The following ANO5 variants were observed in gnomAD, a reference collection of about 807,000 sequenced individuals.
The protein encoded by ANO5 is anoctamin 5, also known as anoctamin-5.
A neutral mutation model predicts 121.0 loss-of-function variants in ANO5; 109 were observed. That is an observed-to-expected ratio of 0.90 (90% confidence interval 0.77 to 1.06). The LOEUF (loss-of-function observed/expected upper bound fraction) is 1.06, where lower values mean the gene tolerates loss of function less well. ANO5 is among the 50% of genes least tolerant of loss of function. The probability of loss-of-function intolerance (pLI) is 0.00; values close to 1 mark genes in which losing one functional copy is unlikely to be tolerated. For missense variants in ANO5, 1,064 were observed against 1,078.5 expected, an observed-to-expected ratio of 0.99 and a Z score of 0.19; for synonymous variants, 406 against 359.9, an observed-to-expected ratio of 1.13 and a Z score of -1.45.
chr11:22,208,245 CT>C, intron 2 of ANO5, among the ~76,000 whole-genome samples: 1 of 152,136 alleles, frequency 6.6e-6, no homozygotes, highest in South Asian at 2.1e-4. Flanking sequence ...TTCACAGCAG[CT>C]TTATTTGTAG....
chr11:22,260,218 T>C (rs2133741018), intron 15 of ANO5, among the ~76,000 whole-genome samples: 1 of 152,306 alleles, frequency 6.6e-6, no homozygotes, highest in East Asian at 1.9e-4. Context: ...ATTTTCTTGT[T>C]AAAATATTAA....
rs546549978 is a variant in ANO5 at position 22,235,071 on chromosome 11, G to A, written c.649-1092G>A. ...CATTTCAGATGTTTGCAGATCTCCT[G>A]AAACTTTCTTTCTATTGCAGTAGTC... On this transcript the variant is annotated intron_variant, in intron 7 of 21. Coordinates refer to ENST00000324559, the MANE Select transcript of ANO5 (RefSeq NM_213599.3). Among the ~76,000 whole-genome samples the A allele has an allele frequency of 2.0e-5, 3 of 152,076 alleles. No individual in the cohort carries two copies. The South Asian group carries it at 6.2e-4, about 32-fold the overall frequency.
intron 20 of ANO5, 78 bp from the exon 21 acceptor site, chr11:22,276,016 A>T (rs1482487402): frequency 1.0e-6 from 1 of 985,084 alleles, no homozygotes; most frequent in Non-Finnish European, 1.6e-6. Flanking sequence ...AAGAGAAATA[A>T]GAAATTATGT....
rs1854663233 is a variant in ANO5, at chr11:22,272,633, G to A, written c.2030-151G>A. ...CAGGTAAGTCACTGTGCCTCCTGTG[G>A]TAGAGGAGGAACTGGACAGACGGAT... On this transcript the variant is annotated intron_variant, in intron 18 of 21. Coordinates refer to ENST00000324559, the MANE Select transcript of ANO5 (RefSeq NM_213599.3). 1.9e-5 allele frequency: 14 copies of A among 724,246 alleles called. No homozygotes were observed. The Admixed American group carries it at 2.7e-4, about 14-fold the overall frequency. 44.9% of individuals were successfully genotyped at this position (724,246 alleles called of 1,614,324 possible).
chr11:22,222,229 C>T (rs947472070), intron 5 of ANO5, among the ~76,000 whole-genome samples: 1 of 151,950 alleles, frequency 6.6e-6, no homozygotes, highest in Non-Finnish European at 1.5e-5. Flanking sequence ...TATTATCCTG[C>T]ATTGTTTTTG....
chr11:22,253,822 G>A (rs1286136453), intron 12 of ANO5, among the ~76,000 whole-genome samples: 1 of 152,112 alleles, frequency 6.6e-6, no homozygotes, highest in African/African-American at 2.4e-5. Flanking sequence ...CTTTTTGACT[G>A]GAGGAGTTAT....
At chr11:22,205,226 C>G (rs1175892056) in intron 2 of ANO5, among the ~76,000 whole-genome samples, 5 of 151,946 alleles carry the variant, frequency 3.3e-5, no homozygotes, top group Non-Finnish European at 7.4e-5. Flanking sequence ...GGGAGAGGAT[C>G]AGGAAAAACA....
intron 5 of ANO5, among the ~76,000 whole-genome samples, chr11:22,225,307 A>T (rs1186504564): frequency 6.6e-6 from 1 of 151,928 alleles, no homozygotes; most frequent in African/African-American, 2.4e-5. Context: ...AAAATTTTTT[A>T]AAAATTATCC....
At chr11:22,193,920 G>A (rs1356915707) in intron 1 of ANO5, among the ~76,000 whole-genome samples, 1 of 152,176 alleles carries the variant, frequency 6.6e-6, no homozygotes, top group East Asian at 1.9e-4. Context: ...CCCAAAAAAA[G>A]CAGCAGTATA....
At position 22,231,754 on chromosome 11, in the gene ANO5, T is replaced by G. The variant is rs140355934; in HGVS notation, c.648+4168T>G. Among the ~76,000 whole-genome samples the G allele has an allele frequency of 2.4e-3, 362 of 152,068 alleles. 4 individuals are homozygous for G. The highest frequency in any genetic ancestry group is 7.6e-3 in the African/African-American group (315 of 41,510). ...GATCTAAGGACATGCACATTTAAAT[T>G]TTTACATGTATTACACTATCACACT... On this transcript the variant is annotated intron_variant, in intron 7 of 21. Coordinates refer to ENST00000324559, the MANE Select transcript of ANO5 (RefSeq NM_213599.3).
intron 7 of ANO5, among the ~76,000 whole-genome samples, chr11:22,234,878 G>A (rs547429816): frequency 6.6e-5 from 10 of 152,192 alleles, no homozygotes; most frequent in African/African-American, 1.9e-4. Context: ...GACCTGACTT[G>A]ACCAAACTTT....
chr11:22,276,965 A>T (rs1564954781), intron 21 of ANO5, among the ~76,000 whole-genome samples: 1 of 151,606 alleles, frequency 6.6e-6, no homozygotes, highest in South Asian at 2.1e-4. Context: ...TTTAAAAATC[A>T]AATAGTTCTG....
chr11:22,204,762 T>C (rs1852060477), intron 2 of ANO5, among the ~76,000 whole-genome samples: 1 of 152,098 alleles, frequency 6.6e-6, no homozygotes, highest in African/African-American at 2.4e-5. Context: ...TGTACATTAG[T>C]TCAGGCATTG....
intron 1 of ANO5, among the ~76,000 whole-genome samples, chr11:22,196,437 A>G (rs1402796508): frequency 6.6e-6 from 1 of 151,812 alleles, no homozygotes; most frequent in South Asian, 2.1e-4. Context: ...AAATTTCACC[A>G]TGAGTTTTGG....
chr11:22,262,208 A>G lies in ANO5; in HGVS notation c.1710A>G (p.Ser570=). The part of the protein sequence containing the change: ...MFLFQFVNFY[S]SCFYVAFFKG... ...TGTTTCAGTTTGTAAATTTTTACTC[A>G]TCCTGCTTCTACGTAGCTTTCTTTA... Residue 570 remains serine, a synonymous_variant, in exon 16 of 22, where the codon TCA becomes TCG. Coordinates refer to ENST00000324559, the MANE Select transcript of ANO5 (RefSeq NM_213599.3). 1.2e-6 allele frequency: 2 copies of G among 1,613,950 alleles called. No individual in the cohort carries two copies. The highest frequency in any genetic ancestry group is 2.2e-5 in the South Asian group (2 of 91,076).
chr11:22,257,588 C>G, intron 13 of ANO5, 92 bp from the exon 14 acceptor site: 1 of 1,071,760 alleles, frequency 9.3e-7, no homozygotes, highest in Non-Finnish European at 1.4e-6. Flanking sequence ...GAGACTCCTA[C>G]TTTAACTGGG....
intron 4 of ANO5, among the ~76,000 whole-genome samples, chr11:22,219,497 A>G (rs1852569067): frequency 6.6e-6 from 1 of 152,002 alleles, no homozygotes; most frequent in Non-Finnish European, 1.5e-5. Context: ...AAAAACAACA[A>G]AAAACCCCTC....
chr11:22,226,456 T>C (rs547750501), intron 6 of ANO5, among the ~76,000 whole-genome samples: 2 of 152,188 alleles, frequency 1.3e-5, no homozygotes, highest in African/African-American at 4.8e-5. Context: ...TAAAGTCATT[T>C]TATTTACTGT....
At chr11:22,269,511 AAAAAAGAAAAGG>A (rs1564948728) in intron 17 of ANO5, among the ~76,000 whole-genome samples, 10 of 127,540 alleles carry the variant, frequency 7.8e-5, no homozygotes, top group African/African-American at 2.1e-4. Context: ...GAAGGAAAGA[AAAAAAGAAAAGG>A]AAGGAAAGAA....
Sources: allele counts gnomAD v4.1 joint callset (sites outside exome capture counted in the v4.1 genomes callset), GRCh38; gene constraint gnomAD v4.1.1; transcripts MANE v1.5; gene names NCBI Gene and HGNC (gene_info 2026-07-23, HGNC 2026-07-21).